ITGA2: variants seen among roughly 807,000 people sequenced by gnomAD.
ITGA2 encodes the protein integrin alpha-2.
ITGA2 carries 101 observed loss-of-function variants against 146.3 expected under a neutral mutation model. The observed-to-expected ratio is 0.69, with a 90% CI of 0.59 to 0.81. The LOEUF (loss-of-function observed/expected upper bound fraction) is 0.81, where lower values mean the gene tolerates loss of function less well. Ranked by LOEUF, ITGA2 falls within the 40% of genes least tolerant of loss-of-function variation. The probability of loss-of-function intolerance (pLI) is 0.00; values close to 1 mark genes in which losing one functional copy is unlikely to be tolerated. For missense variants in ITGA2, 1,281 were observed against 1,402.7 expected, an observed-to-expected ratio of 0.91 and a Z score of 1.39; for synonymous variants, 477 against 487.1, an observed-to-expected ratio of 0.98 and a Z score of 0.27.
At chr5:53,042,319 C>A in intron 3 of ITGA2, 98 bp downstream of exon 3, 2 of 873,766 alleles carry the variant, frequency 2.3e-6, no homozygotes, top group Non-Finnish European at 3.9e-6. Context: ...GAAATACAGA[C>A]AGCTTTTTTT....
intron 20 of ITGA2, among the ~76,000 whole-genome samples, chr5:53,073,653 G>C (rs1745507815): frequency 6.6e-6 from 1 of 151,868 alleles, no homozygotes; most frequent in Non-Finnish European, 1.5e-5. Flanking sequence ...CGCCAGCAAA[G>C]CCAACTAATC....
intron 17 of ITGA2, among the ~76,000 whole-genome samples, chr5:53,071,440 G>A (rs1019417676): frequency 2.6e-5 from 4 of 151,668 alleles, no homozygotes; most frequent in Non-Finnish European, 4.4e-5. Context: ...TGCTAAGCCC[G>A]CAGCCAGCCA....
In ITGA2 at chr5:53,065,124, T is replaced by A. The variant is rs1351515895; in HGVS notation, c.1806+9T>A. On this transcript the variant is annotated intron_variant, in intron 14 of 29. Transcript: ENST00000296585. ...GCACAAAGTATTCCCAGGTAATCCA[T>A]GAGCTGTTATGGTGATGTATGTATT... 1 of 1,609,810 alleles carries A rather than the reference T, an allele frequency of 6.2e-7. No homozygotes were observed. The highest frequency in any genetic ancestry group is 8.5e-7 in the Non-Finnish European group (1 of 1,176,788).
intron 20 of ITGA2, 120 bp from the exon 21 acceptor site, chr5:53,074,265 A>G: frequency 1.3e-6 from 1 of 763,372 alleles, no homozygotes; most frequent in Non-Finnish European, 2.3e-6. Context: ...ATAATAAATT[A>G]TTTCAGTATG....
chr5:53,087,074 A>G lies in ITGA2; in HGVS notation c.3348+33A>G, dbSNP rs3212636. Reference sequence around the variant, plus strand: ...TATCACACCCTTCCCTGTGAGCCTCAGGGTCTGTGATGGCATTCCACTTCT... The same window carrying G: ...TATCACACCCTTCCCTGTGAGCCTCGGGGTCTGTGATGGCATTCCACTTCT... On this transcript the variant is annotated intron_variant, in intron 28 of 29. Transcript: ENST00000296585. 0.01 allele frequency: 15,217 copies of G among 1,488,744 alleles called. 1,360 individuals carry two copies. In the African/African-American group the frequency reaches 0.19, roughly 18 times the overall value. 92.2% of individuals were successfully genotyped at this position (1,488,744 alleles called of 1,614,324 possible).
chr5:53,023,200 T>C (rs1190016021), intron 1 of ITGA2, among the ~76,000 whole-genome samples: 2 of 152,232 alleles, frequency 1.3e-5, no homozygotes, highest in African/African-American at 2.4e-5. Flanking sequence ...TCACTGCATC[T>C]AATAGAGAAC....
intron 4 of ITGA2, among the ~76,000 whole-genome samples, chr5:53,045,502 C>T (rs1438694543): frequency 6.6e-6 from 1 of 152,132 alleles, no homozygotes; most frequent in Non-Finnish European, 1.5e-5. Flanking sequence ...TTATCTGAGG[C>T]ATGGAGCAGT....
chr5:53,027,676 A>C (rs988280810), intron 2 of ITGA2, among the ~76,000 whole-genome samples: 1 of 152,206 alleles, frequency 6.6e-6, no homozygotes, highest in African/African-American at 2.4e-5. Flanking sequence ...TCCTTGTTGC[A>C]GCAGGAGGCT....
intron 2 of ITGA2, among the ~76,000 whole-genome samples, chr5:53,028,578 T>C (rs1743064148): frequency 6.6e-6 from 1 of 152,224 alleles, no homozygotes; most frequent in Non-Finnish European, 1.5e-5. Flanking sequence ...ATGAAGTAGC[T>C]AATGACCCAC....
At chr5:53,010,946 G>A (rs1043840811) in intron 1 of ITGA2, among the ~76,000 whole-genome samples, 7 of 152,054 alleles carry the variant, frequency 4.6e-5, no homozygotes, top group African/African-American at 1.4e-4. Flanking sequence ...GTAAAGGGGA[G>A]GAGGAGATGT....
chr5:53,011,011 G>T (rs1742098227), intron 1 of ITGA2, among the ~76,000 whole-genome samples: 1 of 152,130 alleles, frequency 6.6e-6, no homozygotes, highest in African/African-American at 2.4e-5. Context: ...AATGCTCACA[G>T]CCCCAAGAAG....
rs1017136793 is a variant in ITGA2 at position 53,030,743 on chromosome 5, A to T, written c.185+3875A>T. 2.0e-5 allele frequency among the ~76,000 whole-genome samples: 3 copies of T among 152,258 alleles called. No homozygotes were observed. The South Asian group carries it at 6.2e-4, about 31-fold the overall frequency. On this transcript the variant is annotated intron_variant, in intron 2 of 29. Transcript: ENST00000296585. ...AATAGAGTCAGTGAGGAAGATTTAT[A>T]TGCAGAATAGGCAACTTTGAATAAT...
intron 1 of ITGA2, among the ~76,000 whole-genome samples, chr5:53,011,099 T>G (rs558173104): frequency 1.4e-4 from 21 of 152,170 alleles, no homozygotes; most frequent in Non-Finnish European, 2.4e-4. Context: ...GATTTTGGAC[T>G]TCTGACCTTC....
chr5:53,090,797 G>T lies in ITGA2; in HGVS notation c.*198G>T. On this transcript the variant is annotated 3_prime_UTR_variant, in exon 30 of 30. Coordinates refer to ENST00000296585, the MANE Select transcript of ITGA2 (RefSeq NM_002203.4). ...TGGGGGAGGTGCGGGGGGCAGGTAG[G>T]GAAATAATAGGGAAAATACCTATTT... The T allele has an allele frequency of 1.6e-6, 1 of 609,790 alleles. No homozygotes were observed. Among genetic ancestry groups the T allele is most frequent in the South Asian group, 2.0e-5 (1 of 50,766 alleles). 37.8% of individuals were successfully genotyped at this position (609,790 alleles called of 1,614,324 possible). A position where few individuals can be genotyped will look rare whatever the true frequency, so the allele number is the denominator to read the frequency against.
At chr5:53,072,519 C>CT in intron 18 of ITGA2, 94 bp from the exon 19 acceptor site, 1 of 820,406 alleles carries the variant, frequency 1.2e-6, no homozygotes, top group South Asian at 1.5e-5. Context: ...TGGTTTTGTA[C>CT]TTTATGTAAA....
chr5:53,090,158 C>G (rs978303333), intron 29 of ITGA2, 96 bp downstream of exon 29: 5 of 790,434 alleles, frequency 6.3e-6, no homozygotes, highest in Non-Finnish European at 6.7e-6. Context: ...ATGGTACCTT[C>G]TCTATCACAA....
chr5:53,034,037 C>A (rs1175176501), intron 2 of ITGA2, among the ~76,000 whole-genome samples: 3 of 152,124 alleles, frequency 2.0e-5, no homozygotes, highest in Admixed American at 1.3e-4. Flanking sequence ...GCTGGGATTA[C>A]AGGCGTGAGC....
At chr5:53,034,829 T>C (rs1329565319) in intron 2 of ITGA2, among the ~76,000 whole-genome samples, 1 of 152,166 alleles carries the variant, frequency 6.6e-6, no homozygotes, top group African/African-American at 2.4e-5. Flanking sequence ...TAACTTGCTG[T>C]GCCCCATATG....
chr5:52,999,935 C>G (rs1226184296), intron 1 of ITGA2, among the ~76,000 whole-genome samples: 2 of 152,120 alleles, frequency 1.3e-5, no homozygotes, highest in African/African-American at 4.8e-5. Context: ...CCAGAAGTCC[C>G]CTATATGTTC....
Sources: gnomAD v4.1 joint callset for allele counts (sites outside exome capture counted in the v4.1 genomes callset) on GRCh38, gnomAD v4.1.1 for gene constraint, MANE v1.5 for transcripts, NCBI Gene and HGNC (gene_info 2026-07-23, HGNC 2026-07-21) for gene names.